CDK19: variants seen among roughly 807,000 people sequenced by gnomAD.
CDK19 encodes the protein cyclin dependent kinase 19.
In CDK19, 20 loss-of-function variants were observed where a neutral mutation model predicts 68.3. That is an observed-to-expected ratio of 0.29 (90% CI 0.21 to 0.43). The LOEUF is 0.43. Among genes scored for constraint, CDK19 ranks in the 20% least tolerant of loss-of-function variants. CDK19 has a pLI of 1.00. For missense variants in CDK19, 339 were observed against 623.5 expected, an observed-to-expected ratio of 0.54 and a Z score of 4.86; for synonymous variants, 221 against 222.8, an observed-to-expected ratio of 0.99 and a Z score of 0.07.
chr6:110,665,169 TG>T (rs1281814420), intron 4 of CDK19, among the ~76,000 whole-genome samples: 2 of 152,180 alleles, frequency 1.3e-5, no homozygotes, highest in African/African-American at 4.8e-5. Flanking sequence ...GAAAGTAGAT[TG>T]GAAGGGAAAC....
At chr6:110,772,270 C>T (rs539813398) in intron 1 of CDK19, among the ~76,000 whole-genome samples, 31 of 152,088 alleles carry the variant, frequency 2.0e-4, no homozygotes, top group African/African-American at 5.1e-4. Flanking sequence ...TCTTACATGG[C>T]GGCAGCAAGA....
At chr6:110,653,350 A>G (rs111777492) in intron 4 of CDK19, among the ~76,000 whole-genome samples, 8 of 152,172 alleles carry the variant, frequency 5.3e-5, no homozygotes, top group South Asian at 2.1e-4. Context: ...TAGTGAAAGT[A>G]TATGCTCTTT....
At chr6:110,677,032 C>T (rs917652459) in intron 2 of CDK19, among the ~76,000 whole-genome samples, 1 of 152,174 alleles carries the variant, frequency 6.6e-6, no homozygotes, top group African/African-American at 2.4e-5. Flanking sequence ...TTTTTCTACC[C>T]TATGGGTTTC....
intron 1 of CDK19, among the ~76,000 whole-genome samples, chr6:110,813,004 CG>C (rs1377412702): frequency 6.7e-6 from 1 of 149,824 alleles, no homozygotes; most frequent in Non-Finnish European, 1.5e-5. Context: ...TTTTCTTATA[CG>C]TAATACAGTG....
At chr6:110,798,220 C>T (rs1330808643) in intron 1 of CDK19, among the ~76,000 whole-genome samples, 1 of 151,652 alleles carries the variant, frequency 6.6e-6, no homozygotes, top group African/African-American at 2.4e-5. Context: ...ATTAAGAAGG[C>T]ACTTAATAGT....
intron 2 of CDK19, among the ~76,000 whole-genome samples, chr6:110,685,250 A>T (rs1772373461): frequency 6.6e-6 from 1 of 152,198 alleles, no homozygotes; most frequent in South Asian, 2.1e-4. Flanking sequence ...ATAAACCCTT[A>T]ACTAGTATAT....
intron 1 of CDK19, among the ~76,000 whole-genome samples, chr6:110,798,550 G>A (rs560683723): frequency 1.3e-5 from 2 of 150,780 alleles, no homozygotes; most frequent in African/African-American, 2.4e-5. Context: ...CCTTGAACCC[G>A]GGAGACAGAG....
chr6:110,631,730 T>G (rs1779449179), intron 6 of CDK19, among the ~76,000 whole-genome samples: 1 of 152,364 alleles, frequency 6.6e-6, no homozygotes, highest in African/African-American at 2.4e-5. Context: ...CTCCAGTTCT[T>G]CTGATCAACA....
intron 2 of CDK19, among the ~76,000 whole-genome samples, chr6:110,720,577 T>C (rs74727752): frequency 0.028 from 4,257 of 152,254 alleles, 85 homozygotes; most frequent in South Asian, 0.084. Flanking sequence ...CATCAGAATT[T>C]CATTTGGGCC....
In CDK19 at chr6:110,792,251, G is replaced by A. The variant is rs142129264; in HGVS notation, c.128+22758C>T. On this transcript the variant is annotated intron_variant, in intron 1 of 12. Transcript: ENST00000368911. Reference sequence around the variant, plus strand: ...CCCAAAGTGCTGAGATTACAGGCGTGAGCCACCGCGCCTGGCCCTTTATTT... The same window carrying A: ...CCCAAAGTGCTGAGATTACAGGCGTAAGCCACCGCGCCTGGCCCTTTATTT... Among the ~76,000 whole-genome samples the A allele has an allele frequency of 1.3e-3, 193 of 152,238 alleles. 1 individual carries two copies. The highest frequency in any genetic ancestry group is 4.2e-3 in the African/African-American group (176 of 41,542).
intron 1 of CDK19, among the ~76,000 whole-genome samples, chr6:110,773,051 TAAA>T (rs202143768): frequency 1.5e-5 from 2 of 132,718 alleles, no homozygotes. Context: ...CCCCGTCTCT[TAAA>T]AAAAAAAAAA....
intron 6 of CDK19, among the ~76,000 whole-genome samples, chr6:110,631,244 T>G (rs146227551): frequency 1.1e-4 from 17 of 152,332 alleles, no homozygotes; most frequent in African/African-American, 3.6e-4. Flanking sequence ...TTGGATACCT[T>G]GTAGAACTAT....
intron 4 of CDK19, among the ~76,000 whole-genome samples, chr6:110,654,365 A>G (rs1781165885): frequency 6.6e-6 from 1 of 152,200 alleles, no homozygotes; most frequent in Non-Finnish European, 1.5e-5. Context: ...TTAGTCTATC[A>G]TAACTGCTTA....
At chr6:110,757,506 T>C (rs1230105202) in intron 1 of CDK19, among the ~76,000 whole-genome samples, 3 of 152,202 alleles carry the variant, frequency 2.0e-5, no homozygotes, top group African/African-American at 7.2e-5. Flanking sequence ...GTGGGACACC[T>C]GGGGAAATTT....
intron 2 of CDK19, among the ~76,000 whole-genome samples, chr6:110,687,330 T>C (rs1327716021): frequency 6.6e-6 from 1 of 152,214 alleles, no homozygotes; most frequent in East Asian, 1.9e-4. Context: ...TAATTATTAA[T>C]GGCTAAATTA....
At chr6:110,806,232 T>C (rs1782670318) in intron 1 of CDK19, among the ~76,000 whole-genome samples, 1 of 150,366 alleles carries the variant, frequency 6.7e-6, no homozygotes, top group African/African-American at 2.5e-5. Flanking sequence ...CCCAGCTACT[T>C]GGGAGGCTGA....
At chr6:110,794,442 A>C (rs1583117617) in intron 1 of CDK19, among the ~76,000 whole-genome samples, 5 of 125,872 alleles carry the variant, frequency 4.0e-5, no homozygotes, top group East Asian at 2.4e-4. Flanking sequence ...TCACTCTGTC[A>C]CCAGGCTGGA....
chr6:110,658,005 T>C (rs567565779), intron 4 of CDK19, among the ~76,000 whole-genome samples: 1 of 152,288 alleles, frequency 6.6e-6, no homozygotes, highest in East Asian at 1.9e-4. Context: ...AAAACTGTCA[T>C]GCCAAAAAGA....
At chr6:110,670,562 G>A in intron 2 of CDK19, 21 bp from the exon 3 acceptor site, 2 of 1,384,086 alleles carry the variant, frequency 1.4e-6, no homozygotes, top group Non-Finnish European at 2.1e-6. Context: ...AAGAAAGAGA[G>A]GGGTCACTGT....
Sources: allele counts gnomAD v4.1 joint callset (sites outside exome capture counted in the v4.1 genomes callset), GRCh38; gene constraint gnomAD v4.1.1; transcripts MANE v1.5; gene names NCBI Gene and HGNC (gene_info 2026-07-23, HGNC 2026-07-21).